The following NCAM1 variants were observed in gnomAD, a reference collection of about 807,000 sequenced individuals.
The protein encoded by NCAM1 is neural cell adhesion molecule 1.
In NCAM1, 14 loss-of-function variants were observed where a neutral mutation model predicts 109.8. The observed-to-expected ratio is 0.13, with a 90% confidence interval of 0.08 to 0.20. NCAM1 has a LOEUF of 0.20. Ranked by LOEUF, NCAM1 falls within the 10% of genes least tolerant of loss-of-function variation. The probability of loss-of-function intolerance (pLI) is 1.00; values close to 1 mark genes in which losing one functional copy is unlikely to be tolerated. For missense variants in NCAM1, 774 were observed against 1,109.9 expected (o/e 0.70, Z 4.30); for synonymous variants, 418 against 442.9 (o/e 0.94, Z 0.70).
Position 113,035,543 on chromosome 11 carries a change from C to T in NCAM1, c.52+73879C>T, listed in dbSNP as rs1365977301. The stretch of plus-strand genomic sequence containing the variant: ...CAGCCTACTGGGGAAATGTATTGTT[C>T]TTTTTTAAGAGCCCGCCACTGAAAT... On this transcript the variant is annotated intron_variant, in intron 1 of 19. Transcript: ENST00000316851. 3.3e-5 allele frequency among the ~76,000 whole-genome samples: 5 copies of T among 151,960 alleles called. No homozygotes were observed. The East Asian group carries it at 7.7e-4, about 23-fold the overall frequency.
At chr11:112,971,382 A>G (rs1194657518) in intron 1 of NCAM1, among the ~76,000 whole-genome samples, 1 of 152,090 alleles carries the variant, frequency 6.6e-6, no homozygotes, top group Non-Finnish European at 1.5e-5. Flanking sequence ...GAGAGGGTGA[A>G]GCAGTCTGTA....
At chr11:113,017,741 C>T (rs1416371153) in intron 1 of NCAM1, among the ~76,000 whole-genome samples, 3 of 151,490 alleles carry the variant, frequency 2.0e-5, no homozygotes, top group African/African-American at 4.8e-5. Flanking sequence ...GGAAGGAATA[C>T]TGTATACACA....
At chr11:113,010,049 T>C (rs1555074105) in intron 1 of NCAM1, among the ~76,000 whole-genome samples, 1 of 150,692 alleles carries the variant, frequency 6.6e-6, no homozygotes, top group African/African-American at 2.4e-5. Context: ...AAAAGAACAG[T>C]TAATTCAGTT....
Position 113,107,438 on chromosome 11 carries a change from C to G in NCAM1, c.53-94941C>G, listed in dbSNP as rs185548830. 1.1e-3 allele frequency among the ~76,000 whole-genome samples: 166 copies of G among 152,248 alleles called. 1 individual carries two copies. The highest frequency in any genetic ancestry group is 8.7e-3 in the South Asian group (42 of 4,824). On this transcript the variant is annotated intron_variant, in intron 1 of 19. Transcript: ENST00000316851. ...AAAGACTACTACTGGAAATGTTATG[C>G]CCCTCGTATTATCCCTTTTCATGCT...
At chr11:113,229,092 TTAAAC>T (rs575859496) in intron 9 of NCAM1, among the ~76,000 whole-genome samples, 1,944 of 152,220 alleles carry the variant, frequency 0.013, 30 homozygotes, top group African/African-American at 0.038. Context: ...TGGGATATAA[TTAAAC>T]TAAAGAGCTT....
chr11:112,961,557 G>GT lies in NCAM1; in HGVS notation c.-56_-55insT, dbSNP rs781852393. On this transcript the variant is annotated 5_prime_UTR_variant, in exon 1 of 20. Transcript: ENST00000316851. Reference sequence around the variant, plus strand: ...AGCCGCCGTCCACACTCGCTGCAGGGGGGGGGGCACAGAATTTACCGCGGC... The same window carrying GT: ...AGCCGCCGTCCACACTCGCTGCAGGGTGGGGGGGCACAGAATTTACCGCGGC... 1.0e-4 allele frequency: 117 copies of GT among 1,121,038 alleles called. No homozygotes were observed. The East Asian group carries it at 1.1e-3, about 11-fold the overall frequency. The allele number at this position is 1,121,038 out of a possible 1,614,324, so 69.4% of individuals were successfully genotyped here.
chr11:113,202,575 C>G, intron 2 of NCAM1, 122 bp downstream of exon 2: 4 of 831,208 alleles, frequency 4.8e-6, no homozygotes, highest in Non-Finnish European at 7.3e-6. Flanking sequence ...TGGCATTGCT[C>G]TATTACAGGG....
chr11:113,113,332 C>T lies in NCAM1; in HGVS notation c.53-89047C>T, dbSNP rs554483019. On this transcript the variant is annotated intron_variant, in intron 1 of 19. Transcript: ENST00000316851. ...AATTAGATGATCAGTAAGTCCCTAG[C>T]GCCATAGACTGGGCCAGATGCACTG... Among the ~76,000 whole-genome samples, 165 of 152,190 alleles carry T rather than the reference C, an allele frequency of 1.1e-3. No homozygotes were observed. In the Middle Eastern group the frequency reaches 0.014, roughly 13 times the overall value.
chr11:112,998,233 GA>G (rs1322497531), intron 1 of NCAM1, among the ~76,000 whole-genome samples: 1 of 152,098 alleles, frequency 6.6e-6, no homozygotes, highest in Non-Finnish European at 1.5e-5. Context: ...CATCATAAAA[GA>G]GGTTGAAATT....
chr11:113,277,451 A>G lies in NCAM1; in HGVS notation c.*2064A>G. On this transcript the variant is annotated 3_prime_UTR_variant, in exon 20 of 20. Transcript: ENST00000316851. The stretch of plus-strand genomic sequence containing the variant: ...GTTCAAATGCACAGGCCCTCAGAAT[A>G]GAGGAACATGAAGAGAGATCTTAGA... The G allele has an allele frequency of 1.0e-5, 4 of 399,060 alleles. No individual in the cohort carries two copies. The highest frequency in any genetic ancestry group is 1.8e-5 in the Non-Finnish European group (4 of 226,090). The allele number at this position is 399,060 out of a possible 1,614,324, so 24.7% of individuals were successfully genotyped here.
chr11:113,077,822 G>A (rs1049435076), intron 1 of NCAM1, among the ~76,000 whole-genome samples: 1 of 151,968 alleles, frequency 6.6e-6, no homozygotes, highest in Non-Finnish European at 1.5e-5. Flanking sequence ...GAGTAGCTGG[G>A]ATTACAGGCT....
rs1291267316 is a variant in NCAM1, at chr11:113,193,673, GAGAGAAAC to G, written c.53-8698_53-8691del. The stretch of plus-strand genomic sequence containing the variant: ...AAAGGAAGAAAAAGAAAAAAAGAAA[GAGAGAAAC>G]AGAGAAAGAGAGAAAGAGAAAGGGA... On this transcript the variant is annotated intron_variant, in intron 1 of 19. Transcript: ENST00000316851. Among the ~76,000 whole-genome samples, 14 of 152,036 alleles carry G rather than the reference GAGAGAAAC, an allele frequency of 9.2e-5. No individual in the cohort carries two copies. The South Asian group carries it at 1.5e-3, about 16-fold the overall frequency.
intron 1 of NCAM1, among the ~76,000 whole-genome samples, chr11:113,169,283 TTA>T: frequency 6.6e-6 from 1 of 152,286 alleles, no homozygotes; most frequent in Non-Finnish European, 1.5e-5. Flanking sequence ...CAACTTGCCT[TTA>T]TTGGTGGAAC....
chr11:113,095,965 A>G (rs1939578572), intron 1 of NCAM1, among the ~76,000 whole-genome samples: 1 of 152,212 alleles, frequency 6.6e-6, no homozygotes, highest in Non-Finnish European at 1.5e-5. Context: ...TATCTAGTAT[A>G]ATGTCTGAGA....
At chr11:113,164,996 G>A (rs1372099435) in intron 1 of NCAM1, among the ~76,000 whole-genome samples, 1 of 152,042 alleles carries the variant, frequency 6.6e-6, no homozygotes, top group African/African-American at 2.4e-5. Context: ...AAGAGAGTAG[G>A]AGCTGTATGT....
At chr11:113,232,559 C>G (rs1555117495) in intron 11 of NCAM1, among the ~76,000 whole-genome samples, 159 bp from the exon 12 acceptor site, 1 of 152,170 alleles carries the variant, frequency 6.6e-6, no homozygotes, top group African/African-American at 2.4e-5. Flanking sequence ...CTCCCATGAG[C>G]CCCTCTGCTA....
chr11:113,019,281 G>C lies in NCAM1; in HGVS notation c.52+57617G>C, dbSNP rs182050212. On this transcript the variant is annotated intron_variant, in intron 1 of 19. Coordinates refer to ENST00000316851, the MANE Select transcript of NCAM1 (RefSeq NM_181351.5). ...TCAACAGTCTTCCAAGGAGTTCTTA[G>C]TTCTAACATTTGCGTGATTTCAATA... Among the ~76,000 whole-genome samples, 111 of 152,194 alleles carry C rather than the reference G, an allele frequency of 7.3e-4. 1 individual carries two copies. Among genetic ancestry groups the C allele is most frequent in the Admixed American group, 7.3e-3 (111 of 15,282 alleles).
intron 1 of NCAM1, among the ~76,000 whole-genome samples, chr11:113,070,150 G>A (rs1211492945): frequency 2.0e-5 from 3 of 152,144 alleles, no homozygotes; most frequent in African/African-American, 4.8e-5. Flanking sequence ...GTCATTGCAC[G>A]TTGATTCCTT....
rs1944641039 is a variant in NCAM1, at chr11:113,220,107, A to G, written c.1060-1189A>G. Among the ~76,000 whole-genome samples the G allele has an allele frequency of 1.3e-5, 2 of 152,206 alleles. 1 individual carries two copies. The highest frequency in any genetic ancestry group is 1.3e-4 in the Admixed American group (2 of 15,278). Reference sequence around the variant, plus strand: ...TCGGGCAGTCTTGCCAGGTAATAAAAAGAACAATGCAGCTATCATGTCTTT... The same window carrying G: ...TCGGGCAGTCTTGCCAGGTAATAAAGAGAACAATGCAGCTATCATGTCTTT... On this transcript the variant is annotated intron_variant, in intron 8 of 19. Transcript: ENST00000316851.
Sources: allele counts gnomAD v4.1 joint callset (sites outside exome capture counted in the v4.1 genomes callset), GRCh38; gene constraint gnomAD v4.1.1; transcripts MANE v1.5; gene names NCBI Gene and HGNC (gene_info 2026-07-23, HGNC 2026-07-21).